Variants in PID1 observed in about 807,000 individuals in gnomAD.
The protein encoded by PID1 is phosphotyrosine interaction domain containing 1.
A neutral mutation model predicts 19.1 loss-of-function variants in PID1; 10 were observed. The ratio of observed to expected loss-of-function variants is 0.52; its 90% CI spans 0.32 to 0.89. The LOEUF is 0.89. Among genes scored for constraint, PID1 ranks in the 40% least tolerant of loss-of-function variants. The pLI is 0.03. For missense variants in PID1, 248 were observed against 285.3 expected, an observed-to-expected ratio of 0.87 and a Z score of 0.94; for synonymous variants, 130 against 116.0, an observed-to-expected ratio of 1.12 and a Z score of -0.78.
At chr2:229,233,494 T>C (rs1425828712) in intron 1 of PID1, among the ~76,000 whole-genome samples, 7 of 4,328 alleles carry the variant, frequency 1.6e-3, no homozygotes, top group Non-Finnish European at 1.7e-3. Flanking sequence ...TGCTAGATTT[T>C]TTTTTTTTTT....
chr2:229,200,801 T>C (rs1481964961), intron 1 of PID1, among the ~76,000 whole-genome samples: 1 of 152,098 alleles, frequency 6.6e-6, no homozygotes, highest in Non-Finnish European at 1.5e-5. Flanking sequence ...CATATTATCA[T>C]GGAATTACAT....
intron 1 of PID1, chr2:229,228,027 G>T (rs1156749727): frequency 4.4e-6 from 2 of 455,798 alleles, no homozygotes; most frequent in Admixed American, 2.4e-5. Context: ...GGATACTGAG[G>T]GACAAGTGTA....
chr2:229,232,014 G>A lies in PID1; in HGVS notation c.30+39000C>T, dbSNP rs532299472. 14 of 1,550,238 alleles carry A rather than the reference G, an allele frequency of 9.0e-6. No homozygotes were observed. The East Asian group carries it at 3.2e-4, about 35-fold the overall frequency. Reference sequence around the variant, plus strand: ...GCAGCACTTGGAAGGAAGGAATGCTGTGTCCTCACACAGTGGAAGGCTAAG... The same window carrying A: ...GCAGCACTTGGAAGGAAGGAATGCTATGTCCTCACACAGTGGAAGGCTAAG... On this transcript the variant is annotated intron_variant, in intron 1 of 2. Coordinates refer to ENST00000392055, the MANE Select transcript of PID1 (RefSeq NM_001100818.2).
chr2:229,214,930 T>C (rs1274972301), intron 1 of PID1, among the ~76,000 whole-genome samples: 1 of 152,168 alleles, frequency 6.6e-6, no homozygotes. Context: ...TTACTTTCTA[T>C]TTTTACTATA....
chr2:229,187,458 A>C (rs571411653), intron 1 of PID1, among the ~76,000 whole-genome samples: 79 of 152,322 alleles, frequency 5.2e-4, no homozygotes, highest in African/African-American at 1.8e-3. Flanking sequence ...CACATCTTAC[A>C]TGAACGGCGG....
At chr2:229,040,445 T>A (rs769122037) in intron 2 of PID1, among the ~76,000 whole-genome samples, 6 of 152,124 alleles carry the variant, frequency 3.9e-5, no homozygotes, top group Non-Finnish European at 5.9e-5. Context: ...AAAAAACTGA[T>A]TACCAACATG....
intron 1 of PID1, among the ~76,000 whole-genome samples, chr2:229,234,022 T>C (rs1226984): frequency 0.26 from 39,933 of 152,058 alleles, 6,028 homozygotes; most frequent in East Asian, 0.64. Flanking sequence ...TAATCCCTGA[T>C]AAATGTGTTG....
intron 2 of PID1, among the ~76,000 whole-genome samples, chr2:229,138,866 GA>G (rs67108790): frequency 2.7e-5 from 4 of 147,036 alleles, no homozygotes; most frequent in Admixed American, 6.8e-5. Context: ...GTAGAAGGAG[GA>G]AAAAAAAATG....
intron 1 of PID1, among the ~76,000 whole-genome samples, chr2:229,194,709 T>C (rs1691335881): frequency 6.6e-6 from 1 of 151,960 alleles, no homozygotes; most frequent in African/African-American, 2.4e-5. Flanking sequence ...GCAATACATA[T>C]CGGTTAATGT....
chr2:229,159,063 A>G (rs1173933903), intron 1 of PID1, among the ~76,000 whole-genome samples: 1 of 152,246 alleles, frequency 6.6e-6, no homozygotes, highest in Non-Finnish European at 1.5e-5. Flanking sequence ...ACTTAATTGT[A>G]CATTTTAAAA....
At chr2:229,235,570 T>A (rs1692307015) in intron 1 of PID1, among the ~76,000 whole-genome samples, 1 of 152,232 alleles carries the variant, frequency 6.6e-6, no homozygotes, top group African/African-American at 2.4e-5. Context: ...TACTTCTTTC[T>A]AGAAACACTA....
intron 1 of PID1, among the ~76,000 whole-genome samples, chr2:229,217,423 C>G (rs1178869781): frequency 6.6e-6 from 1 of 152,214 alleles, no homozygotes; most frequent in Admixed American, 6.5e-5. Flanking sequence ...TTCAAAGCCT[C>G]TCCTTTTCCC....
At chr2:229,167,741 T>C (rs1029993690) in intron 1 of PID1, among the ~76,000 whole-genome samples, 1 of 152,206 alleles carries the variant, frequency 6.6e-6, no homozygotes, top group Non-Finnish European at 1.5e-5. Flanking sequence ...TCCTGGTTTT[T>C]ATTCTACTAT....
chr2:229,267,505 AC>A (rs1690620440), intron 1 of PID1, among the ~76,000 whole-genome samples: 1 of 152,340 alleles, frequency 6.6e-6, no homozygotes, highest in African/African-American at 2.4e-5. Flanking sequence ...TAGAACTCAT[AC>A]GCCTATCACA....
chr2:229,092,053 A>ACCACTGTACGGTGGTGGTAC (rs1553561607), intron 2 of PID1, among the ~76,000 whole-genome samples: 2 of 145,304 alleles, frequency 1.4e-5, no homozygotes, highest in African/African-American at 5.6e-5. Context: ...AGTTAATGCC[A>ACCACTGTACGGTGGTGGTAC]ATCGTCCTGG....
intron 1 of PID1, among the ~76,000 whole-genome samples, chr2:229,268,765 G>A (rs1690658580): frequency 6.6e-6 from 1 of 152,014 alleles, no homozygotes; most frequent in Admixed American, 6.6e-5. Context: ...CCTGGGAGTG[G>A]CAAAGTGGCT....
chr2:229,106,848 G>T (rs1185831497), intron 2 of PID1, among the ~76,000 whole-genome samples: 1 of 152,162 alleles, frequency 6.6e-6, no homozygotes, highest in South Asian at 2.1e-4. Context: ...GGATGCAGTG[G>T]ATTGCATGAT....
At chr2:229,089,436 A>C (rs1294972525) in intron 2 of PID1, among the ~76,000 whole-genome samples, 1 of 152,184 alleles carries the variant, frequency 6.6e-6, no homozygotes, top group East Asian at 1.9e-4. Context: ...GACTCCTTTA[A>C]AAGGAAAAGA....
In PID1 at chr2:229,081,915, T is replaced by C. The variant is rs1326307; in HGVS notation, c.178-55807A>G. On this transcript the variant is annotated intron_variant, in intron 2 of 2. Transcript: ENST00000392055. ...GGGAGTTCAAGAAGAGCAAACTGCATCATGAAGAATTCTCAGTCTAGTACT... is the reference window on the plus strand; with the variant it reads ...GGGAGTTCAAGAAGAGCAAACTGCACCATGAAGAATTCTCAGTCTAGTACT... 7.0e-3 allele frequency among the ~76,000 whole-genome samples: 1,063 copies of C among 152,296 alleles called. 18 individuals carry two copies. Among genetic ancestry groups the C allele is most frequent in the African/African-American group, 0.024 (1,017 of 41,562 alleles).
Sources: allele counts gnomAD v4.1 joint callset (sites outside exome capture counted in the v4.1 genomes callset), GRCh38; gene constraint gnomAD v4.1.1; transcripts MANE v1.5; gene names NCBI Gene and HGNC (gene_info 2026-07-23, HGNC 2026-07-21).